CPNE8: variants seen among roughly 807,000 people sequenced by gnomAD.
CPNE8 encodes the protein copine 8, also known as copine-8.
Under a neutral mutation model 81.5 loss-of-function variants are expected in CPNE8, and 45 were observed. That is an observed-to-expected ratio of 0.55 (90% CI 0.44 to 0.71). The LOEUF is 0.71. Among genes scored for constraint, CPNE8 ranks in the 30% least tolerant of loss-of-function variants. The pLI, the probability that CPNE8 is intolerant of heterozygous loss-of-function variation, is 0.00. For synonymous variants in CPNE8, 252 were observed against 226.3 expected, an observed-to-expected ratio of 1.11 and a Z score of -1.02; for missense variants, 594 against 672.1, an observed-to-expected ratio of 0.88 and a Z score of 1.28.
chr12:38,844,815 G>A (rs1943527950), intron 4 of CPNE8, among the ~76,000 whole-genome samples: 2 of 151,962 alleles, frequency 1.3e-5, no homozygotes, highest in South Asian at 4.2e-4. Flanking sequence ...CATGTTCAAA[G>A]CTTCTTTTTT....
intron 19 of CPNE8, among the ~76,000 whole-genome samples, chr12:38,662,477 T>G (rs2136636223): frequency 6.6e-6 from 1 of 152,176 alleles, no homozygotes; most frequent in African/African-American, 2.4e-5. Context: ...TATAAACCAC[T>G]GATTAAAGAA....
intron 14 of CPNE8, among the ~76,000 whole-genome samples, chr12:38,697,655 A>G (rs777367296): frequency 6.6e-5 from 10 of 152,026 alleles, no homozygotes; most frequent in Non-Finnish European, 1.2e-4. Context: ...CCAAATCTCA[A>G]TGTTGGTGAT....
chr12:38,747,670 G>C (rs826861), intron 10 of CPNE8, among the ~76,000 whole-genome samples: 14,822 of 152,064 alleles, frequency 0.097, 933 homozygotes, highest in East Asian at 0.25. Flanking sequence ...TGCATTCACT[G>C]AGTACTTGAA....
At chr12:38,764,741 A>G (rs1366822895) in intron 8 of CPNE8, among the ~76,000 whole-genome samples, 1 of 152,154 alleles carries the variant, frequency 6.6e-6, no homozygotes, top group African/African-American at 2.4e-5. Context: ...AAAATAAAAT[A>G]CATTCTTAAA....
chr12:38,845,598 G>C (rs991643302), intron 4 of CPNE8, among the ~76,000 whole-genome samples: 1 of 145,824 alleles, frequency 6.9e-6, no homozygotes, highest in African/African-American at 2.7e-5. Context: ...CAATATCACA[G>C]GTATAATATA....
intron 6 of CPNE8, among the ~76,000 whole-genome samples, chr12:38,789,469 A>G (rs1942274288): frequency 6.6e-6 from 1 of 151,852 alleles, no homozygotes; most frequent in Admixed American, 6.6e-5. Flanking sequence ...GATTACTTAA[A>G]CAAAAGTCCT....
chr12:38,798,797 G>T (rs1328668329), intron 6 of CPNE8, among the ~76,000 whole-genome samples: 1 of 152,106 alleles, frequency 6.6e-6, no homozygotes, highest in Non-Finnish European at 1.5e-5. Flanking sequence ...CTGTATTCAG[G>T]AAACCTATCT....
At chr12:38,717,458 T>TATATATATATATATATATAA (rs1339046227) in intron 13 of CPNE8, among the ~76,000 whole-genome samples, 5 of 138,738 alleles carry the variant, frequency 3.6e-5, no homozygotes, top group Non-Finnish European at 7.8e-5. Flanking sequence ...TATATATATA[T>TATATATATATATATATATAA]ACACCATGGA....
At position 38,829,382 on chromosome 12, in the gene CPNE8, A is replaced by G; in HGVS notation, c.404T>C (p.Ile135Thr). 6.2e-7 allele frequency: 1 copy of G among 1,603,370 alleles called. No homozygotes were observed. The highest frequency in any genetic ancestry group is 8.5e-7 in the Non-Finnish European group (1 of 1,170,278). Residue 135 changes from isoleucine to threonine, a missense_variant, in exon 6 of 20, where the codon ATA becomes ACA. Physicochemically the swap from Ile to Thr is moderately conservative, Grantham distance 89. Transcript: ENST00000331366. ...GSQGSRLEKP[I>T]VGIPGKKCGT... Reference sequence around the variant, plus strand: ...GTCTGAATTAAAAAATACTTACACTATTGGTTTTTCCAGGCGACTTCCCTG... The same window carrying G: ...GTCTGAATTAAAAAATACTTACACTGTTGGTTTTTCCAGGCGACTTCCCTG...
chr12:38,779,239 A>G (rs1176534900), intron 6 of CPNE8, among the ~76,000 whole-genome samples: 1 of 152,166 alleles, frequency 6.6e-6, no homozygotes, highest in Non-Finnish European at 1.5e-5. Flanking sequence ...AGAAGCTTAA[A>G]GTGAAGTCAG....
intron 10 of CPNE8, among the ~76,000 whole-genome samples, chr12:38,745,822 G>A (rs1419652711): frequency 2.0e-5 from 3 of 152,170 alleles, no homozygotes; most frequent in East Asian, 1.9e-4. Flanking sequence ...GATTACCTAC[G>A]TGAGCCACGG....
At chr12:38,704,822 A>ATGTGTATATATATGTG (rs1217822431) in intron 13 of CPNE8, among the ~76,000 whole-genome samples, 6 of 35,582 alleles carry the variant, frequency 1.7e-4, no homozygotes, top group African/African-American at 4.3e-4. Flanking sequence ...GTGTGTATGT[A>ATGTGTATATATATGTG]TGTGTATATA....
chr12:38,809,070 T>A (rs1942881739), intron 6 of CPNE8, among the ~76,000 whole-genome samples: 1 of 152,188 alleles, frequency 6.6e-6, no homozygotes, highest in African/African-American at 2.4e-5. Flanking sequence ...ACAATTTGGT[T>A]ACCTAATAAA....
chr12:38,776,263 G>A lies in CPNE8; in HGVS notation c.446C>T (p.Thr149Ile), dbSNP rs770640347. ...CCTGCAACAGTTTAATTCCTCTGCT[G>A]TAAGTATGATTGTACCACATTTCTT... is the stretch of plus-strand genomic sequence containing the variant. Reference protein sequence around the residue: ...PGKKCGTIILTAEELNCCRDA... With the variant: ...PGKKCGTIILIAEELNCCRDA... The change falls in exon 7 of 20, where the codon ACA (threonine) becomes ATA (isoleucine). Residue 149 changes from threonine to isoleucine, a missense_variant. Physicochemically the swap from Thr to Ile is moderately conservative, Grantham distance 89 (BLOSUM62 -1). Transcript: ENST00000331366. The A allele has an allele frequency of 3.9e-6, 6 of 1,552,776 alleles. No individual in the cohort carries two copies. Among genetic ancestry groups the A allele is most frequent in the Non-Finnish European group, 5.3e-6 (6 of 1,142,190 alleles).
chr12:38,748,097 G>A (rs534746554), intron 10 of CPNE8, among the ~76,000 whole-genome samples: 210 of 152,030 alleles, frequency 1.4e-3, no homozygotes, highest in African/African-American at 4.9e-3. Flanking sequence ...TTAAACCTCC[G>A]CTTCCCAGGC....
intron 7 of CPNE8, among the ~76,000 whole-genome samples, chr12:38,772,497 AC>A (rs1941824856): frequency 6.6e-6 from 1 of 152,206 alleles, no homozygotes. Flanking sequence ...CATACAAATG[AC>A]CAACACACAT....
intron 6 of CPNE8, among the ~76,000 whole-genome samples, chr12:38,795,560 C>T: frequency 6.6e-6 from 1 of 152,086 alleles, no homozygotes; most frequent in East Asian, 1.9e-4. Flanking sequence ...AGGCAGAAAT[C>T]CCATAACATA....
At chr12:38,756,526 T>C (rs189343897) in intron 10 of CPNE8, among the ~76,000 whole-genome samples, 1 of 152,172 alleles carries the variant, frequency 6.6e-6, no homozygotes, top group Non-Finnish European at 1.5e-5. Flanking sequence ...GCTAATGTTT[T>C]TATTATTTTC....
intron 6 of CPNE8, among the ~76,000 whole-genome samples, chr12:38,780,558 A>G (rs369817365): frequency 1.4e-4 from 21 of 152,076 alleles, no homozygotes; most frequent in African/African-American, 4.6e-4. Context: ...AGGAGCATGG[A>G]AAAACGTGAG....
Sources: allele counts gnomAD v4.1 joint callset (sites outside exome capture counted in the v4.1 genomes callset), GRCh38; gene constraint gnomAD v4.1.1; transcripts MANE v1.5; gene names NCBI Gene and HGNC (gene_info 2026-07-23, HGNC 2026-07-21).